The following RMC1 variants were observed in gnomAD, a reference collection of about 807,000 sequenced individuals.
RMC1 encodes regulator of MON1-CCZ1, also known as regulator of MON1-CCZ1 complex.
Under a neutral mutation model 95.5 loss-of-function variants are expected in RMC1, and 44 were observed. The ratio of observed to expected loss-of-function variants is 0.46; its 90% CI spans 0.36 to 0.59. The LOEUF (loss-of-function observed/expected upper bound fraction) is 0.59. Among genes scored for constraint, RMC1 ranks in the 20% least tolerant of loss-of-function variants. The probability of loss-of-function intolerance (pLI) is 0.00; values close to 1 mark genes in which losing one functional copy is unlikely to be tolerated. For missense variants in RMC1, 705 were observed against 819.6 expected (o/e 0.86, Z 1.71); for synonymous variants, 320 against 303.6 (o/e 1.05, Z -0.56).
rs369963533 is a variant in RMC1 at position 23,525,659 on chromosome 18, G to A, written c.1061-978G>A. On this transcript the variant is annotated intron_variant, in intron 12 of 19. Coordinates refer to ENST00000269221, the MANE Select transcript of RMC1 (RefSeq NM_013326.5). ...AGGATGGTCTCGATCTCCTGACCTC[G>A]TGATCTGCCCACCTCAGCCTCCCAA... 4.1e-4 allele frequency among the ~76,000 whole-genome samples: 63 copies of A among 152,178 alleles called. No homozygotes were observed. The South Asian group carries it at 0.013, about 31-fold the overall frequency.
chr18:23,519,391 G>A (rs1036249921), intron 9 of RMC1, among the ~76,000 whole-genome samples: 1 of 152,064 alleles, frequency 6.6e-6, no homozygotes, highest in African/African-American at 2.4e-5. Flanking sequence ...GGTAGTGCAC[G>A]CCTATAGTCC....
intron 7 of RMC1, 141 bp from the exon 8 acceptor site, chr18:23,518,749 C>A: frequency 3.0e-6 from 2 of 664,202 alleles, no homozygotes; most frequent in Non-Finnish European, 5.2e-6. Flanking sequence ...TGAGTAACTG[C>A]ATGTTTCTTT....
intron 14 of RMC1, chr18:23,528,917 T>G (rs1220675647): frequency 2.9e-6 from 1 of 340,028 alleles, no homozygotes; most frequent in Non-Finnish European, 5.4e-6. Flanking sequence ...TTTGTTCTTA[T>G]TGCCCAGGCT....
chr18:23,527,747 C>G, intron 13 of RMC1, 48 bp from the exon 14 acceptor site: 1 of 1,457,816 alleles, frequency 6.9e-7, no homozygotes, highest in East Asian at 2.3e-5. Context: ...AATTCTGAAG[C>G]TGACATGAAG....
chr18:23,515,853 C>T lies in RMC1; in HGVS notation c.409-3C>T, dbSNP rs1440432150. ...AGATCCTGTTTCTTAAACTCTGCTT[C>T]AGGTATTACCAGAGAAACGGAGTCT... On this transcript the variant is annotated splice_polypyrimidine_tract_variant and splice_region_variant and intron_variant, in intron 5 of 19. Coordinates refer to ENST00000269221, the MANE Select transcript of RMC1 (RefSeq NM_013326.5). The T allele has an allele frequency of 6.2e-7, 1 of 1,614,074 alleles. No individual in the cohort carries two copies. Among genetic ancestry groups the T allele is most frequent in the Non-Finnish European group, 8.5e-7 (1 of 1,179,984 alleles).
At position 23,509,285 on chromosome 18, in the gene RMC1, A is replaced by G. The variant is rs1265177725; in HGVS notation, c.408+6A>G. On this transcript the variant is annotated splice_donor_region_variant and intron_variant, in intron 5 of 19. Transcript: ENST00000269221. ...AAGGAATCGAATTTTACCAGGTATTATGTTTATCATTTATGTTTGTTGGTT... is the reference window on the plus strand; with the variant it reads ...AAGGAATCGAATTTTACCAGGTATTGTGTTTATCATTTATGTTTGTTGGTT... The G allele has an allele frequency of 2.9e-6, 4 of 1,372,006 alleles. No individual in the cohort carries two copies. The highest frequency in any genetic ancestry group is 1.9e-5 in the South Asian group (1 of 51,286). The allele number at this position is 1,372,006 out of a possible 1,614,324, so 85.0% of individuals were successfully genotyped here.
rs1308739743 is a variant in RMC1, at chr18:23,524,498, CA to C, written c.1060+17del. 6.2e-7 allele frequency: 1 copy of C among 1,613,232 alleles called. No individual in the cohort carries two copies. Among genetic ancestry groups the C allele is most frequent in the Non-Finnish European group, 8.5e-7 (1 of 1,179,212 alleles). Reference sequence around the variant, plus strand: ...GCAAGCCAAGGTAGGTCAGCGGGGACAGTTGTCGTGTTACAACATGGTGCTT... The same window carrying C: ...GCAAGCCAAGGTAGGTCAGCGGGGACGTTGTCGTGTTACAACATGGTGCTT... On this transcript the variant is annotated intron_variant, in intron 12 of 19. Transcript: ENST00000269221.
chr18:23,524,416 C>T lies in RMC1; in HGVS notation c.1007-13C>T. 6.2e-7 allele frequency: 1 copy of T among 1,613,878 alleles called. No individual in the cohort carries two copies. The highest frequency in any genetic ancestry group is 8.5e-7 in the Non-Finnish European group (1 of 1,179,766). ...TCATCTTTTCCTGGTTTAGAATTTC[C>T]TATAACATGTGGATTCTTCATCTTG... On this transcript the variant is annotated splice_polypyrimidine_tract_variant and intron_variant, in intron 11 of 19. Coordinates refer to ENST00000269221, the MANE Select transcript of RMC1 (RefSeq NM_013326.5).
At chr18:23,523,968 G>C (rs896286390) in intron 10 of RMC1, among the ~76,000 whole-genome samples, 162 bp from the exon 11 acceptor site, 2 of 151,968 alleles carry the variant, frequency 1.3e-5, no homozygotes, top group Admixed American at 6.6e-5. Context: ...CTTCCTCCCC[G>C]TACGTGCTTT....
intron 8 of RMC1, 23 bp downstream of exon 8, chr18:23,519,002 C>A (rs1567922963): frequency 6.2e-7 from 1 of 1,613,242 alleles, no homozygotes; most frequent in Admixed American, 1.7e-5. Flanking sequence ...CTTTGTTTTC[C>A]CTCTCTCTCT....
intron 7 of RMC1, among the ~76,000 whole-genome samples, chr18:23,517,480 A>G (rs900018237): frequency 5.9e-5 from 9 of 152,108 alleles, no homozygotes; most frequent in African/African-American, 2.2e-4. Context: ...GAAAAAGTGG[A>G]TATCTCAGTT....
chr18:23,508,961 C>T (rs1400006064), intron 4 of RMC1, among the ~76,000 whole-genome samples: 2 of 152,204 alleles, frequency 1.3e-5, no homozygotes, highest in Non-Finnish European at 2.9e-5. Flanking sequence ...AAAACACAGA[C>T]TTCTCCTGTT....
chr18:23,503,571 A>G lies in RMC1; in HGVS notation c.-48A>G. The stretch of plus-strand genomic sequence containing the variant: ...CGGGCTCCACCGCGCATCCTGCTCC[A>G]CTCTGGCGACCGCCCCCGGGGCCCC... On this transcript the variant is annotated 5_prime_UTR_variant, in exon 1 of 20. Transcript: ENST00000269221. 2 of 1,439,538 alleles carry G rather than the reference A, an allele frequency of 1.4e-6. No individual in the cohort carries two copies. The highest frequency in any genetic ancestry group is 1.9e-6 in the Non-Finnish European group (2 of 1,062,892). 89.2% of individuals were successfully genotyped at this position (1,439,538 alleles called of 1,614,324 possible).
In RMC1 at chr18:23,519,102, G is replaced by C; in HGVS notation, c.777G>C (p.Lys259Asn). 1 of 1,614,204 alleles carries C rather than the reference G, an allele frequency of 6.2e-7. No individual in the cohort carries two copies. Among genetic ancestry groups the C allele is most frequent in the Non-Finnish European group, 8.5e-7 (1 of 1,180,042 alleles). The change falls in exon 9 of 20, where the codon AAG (lysine) becomes AAC (asparagine). Residue 259 changes from lysine (K) to asparagine (N), a missense_variant. By Grantham distance (94) the Lys-to-Asn change is moderately conservative. Transcript: ENST00000269221. ...CCTGTAAAAAGATGCACATATTGAA[G>C]TTAAATAGGACGGGAAAGTTTGCCC... is the stretch of plus-strand genomic sequence containing the variant. The part of the protein sequence containing the change: ...EGACKKMHIL[K>N]LNRTGKFALN...
intron 9 of RMC1, among the ~76,000 whole-genome samples, chr18:23,519,712 G>T (rs1339943693): frequency 6.6e-6 from 1 of 152,196 alleles, no homozygotes; most frequent in East Asian, 1.9e-4. Flanking sequence ...CTTGGAAGAA[G>T]GTGGGAATCC....
At chr18:23,512,629 G>C (rs1280568605) in intron 5 of RMC1, among the ~76,000 whole-genome samples, 1 of 146,506 alleles carries the variant, frequency 6.8e-6, no homozygotes, top group African/African-American at 2.5e-5. Flanking sequence ...ATGAGGTCTT[G>C]CTGTGTTGCC....
chr18:23,514,424 G>A (rs1486381524), intron 5 of RMC1, among the ~76,000 whole-genome samples: 1 of 152,192 alleles, frequency 6.6e-6, no homozygotes, highest in African/African-American at 2.4e-5. Flanking sequence ...GGGTGTGGTG[G>A]TGGGCGCCTA....
chr18:23,514,584 A>G (rs774095323), intron 5 of RMC1, among the ~76,000 whole-genome samples: 2 of 151,628 alleles, frequency 1.3e-5, no homozygotes, highest in Non-Finnish European at 2.9e-5. Flanking sequence ...TGTAATGACC[A>G]ATAGGAGAAC....
chr18:23,516,783 T>C (rs951538322), intron 7 of RMC1, among the ~76,000 whole-genome samples: 1 of 151,536 alleles, frequency 6.6e-6, no homozygotes, highest in Admixed American at 6.6e-5. Context: ...TGGAGTGCAG[T>C]GGTGCAGTGT....
Sources: allele counts gnomAD v4.1 joint callset (sites outside exome capture counted in the v4.1 genomes callset), GRCh38; gene constraint gnomAD v4.1.1; transcripts MANE v1.5; gene names NCBI Gene and HGNC (gene_info 2026-07-23, HGNC 2026-07-21).